Variants in PIP5K1C observed in about 807,000 individuals in gnomAD.
The protein encoded by PIP5K1C is phosphatidylinositol-4-phosphate 5-kinase type 1 gamma.
In PIP5K1C, 45 loss-of-function variants were observed where a neutral mutation model predicts 80.1. The ratio of observed to expected loss-of-function variants is 0.56; its 90% confidence interval spans 0.44 to 0.72. PIP5K1C has a LOEUF of 0.72. Among genes scored for constraint, PIP5K1C ranks in the 30% least tolerant of loss-of-function variants. PIP5K1C has a pLI of 0.00. For missense variants in PIP5K1C, 753 were observed against 954.6 expected (o/e 0.79, Z 2.78); for synonymous variants, 498 against 420.1 (o/e 1.19, Z -2.27).
At chr19:3,636,839 AG>A in intron 16 of PIP5K1C, 1 of 991,294 alleles carries the variant, frequency 1.0e-6, no homozygotes, top group Non-Finnish European at 1.2e-6. Flanking sequence ...GGTGCTGGGC[AG>A]GTCTCTTAGG....
At chr19:3,699,324 T>C (rs1318173687) in intron 1 of PIP5K1C, among the ~76,000 whole-genome samples, 1 of 104,826 alleles carries the variant, frequency 9.5e-6, no homozygotes, top group African/African-American at 3.7e-5. Flanking sequence ...CGAGTGTCTT[T>C]CAAGGCGGGG....
At chr19:3,652,087 C>T (rs546774819) in intron 7 of PIP5K1C, 56 bp from the exon 8 acceptor site, 225 of 1,555,482 alleles carry the variant, frequency 1.4e-4, no homozygotes, top group East Asian at 2.0e-4. Flanking sequence ...TCCCCCACAA[C>T]GGCTCCCGGA....
Position 3,696,190 on chromosome 19 carries a change from C to T in PIP5K1C, c.94+4107G>A, listed in dbSNP as rs1364083828. 3.9e-5 allele frequency among the ~76,000 whole-genome samples: 6 copies of T among 152,212 alleles called. No individual in the cohort carries two copies. Among genetic ancestry groups the T allele is most frequent in the Non-Finnish European group, 8.8e-5 (6 of 68,038 alleles). ...CTTCCTGCCCAATGCCCACAGGTCT[C>T]CCTCGGATGCCACCTTCTTGGCAAG... On this transcript the variant is annotated intron_variant, in intron 1 of 17. Transcript: ENST00000335312. This position sits in a 1 kb window ranked among gnomAD's most constrained non-coding sequence, Gnocchi z 4.1.
chr19:3,655,072 C>T (rs1484178192), intron 6 of PIP5K1C, among the ~76,000 whole-genome samples: 1 of 128,464 alleles, frequency 7.8e-6, no homozygotes, highest in Non-Finnish European at 1.5e-5. Context: ...CACGCCAATG[C>T]ACTCCAGCCT....
chr19:3,653,220 G>T (rs2034511410), intron 7 of PIP5K1C, 70 bp downstream of exon 7: 2 of 1,481,146 alleles, frequency 1.4e-6, no homozygotes, highest in Non-Finnish European at 1.9e-6. Flanking sequence ...GGCCCTGCCT[G>T]CCCAGGCCGA....
In PIP5K1C at chr19:3,637,127, C is replaced by T. The variant is rs2033720040; in HGVS notation, c.1920+1757G>A. 7.3e-7 allele frequency: 1 copy of T among 1,375,294 alleles called. No homozygotes were observed. The highest frequency in any genetic ancestry group is 3.1e-5 in the Admixed American group (1 of 32,098). The allele number at this position is 1,375,294 out of a possible 1,614,324, so 85.2% of individuals were successfully genotyped here. A position where few individuals can be genotyped will look rare whatever the true frequency, so the allele number is the denominator to read the frequency against. On this transcript the variant is annotated intron_variant, in intron 16 of 17. Transcript: ENST00000335312. The surrounding 1 kb of genome is among the most constrained non-coding windows in gnomAD (Gnocchi z 7.0). ...GCCACTCTGCTGACCTGTGCAACCT[C>T]CCCTGTGCAGCCAGCGGGGCCACGG...
intron 15 of PIP5K1C, among the ~76,000 whole-genome samples, chr19:3,639,995 C>T (rs371816212): frequency 8.5e-5 from 13 of 152,296 alleles, no homozygotes; most frequent in African/African-American, 2.9e-4. Flanking sequence ...TGAAATTTCA[C>T]GGTGCAAGGT....
chr19:3,646,562 C>T (rs1261930009), intron 10 of PIP5K1C, among the ~76,000 whole-genome samples: 2 of 152,164 alleles, frequency 1.3e-5, no homozygotes, highest in Non-Finnish European at 2.9e-5. Flanking sequence ...AAGGACAACC[C>T]CAGGGACATG....
intron 5 of PIP5K1C, among the ~76,000 whole-genome samples, chr19:3,659,085 G>A (rs948427283): frequency 6.6e-6 from 1 of 152,142 alleles, no homozygotes; most frequent in Non-Finnish European, 1.5e-5. Flanking sequence ...CCCCTTACCA[G>A]GGGGGACTGT....
intron 2 of PIP5K1C, among the ~76,000 whole-genome samples, chr19:3,666,468 C>T (rs541916457): frequency 6.6e-6 from 1 of 152,356 alleles, no homozygotes; most frequent in East Asian, 1.9e-4. Flanking sequence ...TGTGCACACA[C>T]ACAGACAAAT....
chr19:3,654,543 C>T (rs965144806), intron 6 of PIP5K1C, among the ~76,000 whole-genome samples: 1 of 152,230 alleles, frequency 6.6e-6, no homozygotes, highest in Non-Finnish European at 1.5e-5. Flanking sequence ...GGGCCCAGTG[C>T]GATGGCTCAT....
intron 1 of PIP5K1C, among the ~76,000 whole-genome samples, chr19:3,675,215 A>G (rs945048384): frequency 2.0e-5 from 3 of 152,236 alleles, no homozygotes; most frequent in African/African-American, 2.4e-5. Flanking sequence ...CTCAGTTGCA[A>G]TAAGTAAGCA....
At position 3,678,282 on chromosome 19, in the gene PIP5K1C, GTGGAGGGA is replaced by G. The variant is rs573734344; in HGVS notation, c.95-10937_95-10930del. Among the ~76,000 whole-genome samples, 27 of 94,164 alleles carry G rather than the reference GTGGAGGGA, an allele frequency of 2.9e-4. No individual in the cohort carries two copies. The East Asian group carries it at 4.7e-3, about 16-fold the overall frequency. The allele number at this position is 94,164 out of a possible 152,430, so 61.8% of individuals were successfully genotyped here. A position where few individuals can be genotyped will look rare whatever the true frequency, so the allele number is the denominator to read the frequency against. Reference sequence around the variant, plus strand: ...GGGTGGAGGAATGGAGAATGGAGGGGTGGAGGGATGGAGGGATGGAGGGACGGAGGGAT... The same window carrying G: ...GGGTGGAGGAATGGAGAATGGAGGGGTGGAGGGATGGAGGGACGGAGGGAT... On this transcript the variant is annotated intron_variant, in intron 1 of 17. Coordinates refer to ENST00000335312, the MANE Select transcript of PIP5K1C (RefSeq NM_012398.3).
intron 3 of PIP5K1C, among the ~76,000 whole-genome samples, chr19:3,663,997 T>G (rs1267517017): frequency 1.3e-5 from 2 of 152,018 alleles, no homozygotes. Context: ...AAAGGACAAG[T>G]GCAGCACGGG....
At chr19:3,639,740 T>C (rs2033885758) in intron 15 of PIP5K1C, among the ~76,000 whole-genome samples, 1 of 152,144 alleles carries the variant, frequency 6.6e-6, no homozygotes, top group African/African-American at 2.4e-5. Context: ...TCTTTGTTCT[T>C]TTCACTGAGC....
chr19:3,641,875 GC>G, intron 14 of PIP5K1C, 66 bp from the exon 15 acceptor site: 1 of 1,315,540 alleles, frequency 7.6e-7, no homozygotes, highest in Non-Finnish European at 1.1e-6. Context: ...CCCCAGGAGT[GC>G]CCAGTGAACT....
intron 1 of PIP5K1C, among the ~76,000 whole-genome samples, chr19:3,695,115 C>A (rs2036062409): frequency 6.6e-6 from 1 of 152,274 alleles, no homozygotes; most frequent in Admixed American, 6.5e-5. Context: ...CCATCTGCAG[C>A]CTGACGCCCA....
chr19:3,633,533 C>A lies in PIP5K1C; in HGVS notation c.1921-13G>T. ...TCTCATCGGTGGGCTGGCAGGTGGG[C>A]GCGCGTGCAGGAGGGCGCGGAAGAG... is the stretch of plus-strand genomic sequence containing the variant. On this transcript the variant is annotated splice_polypyrimidine_tract_variant and intron_variant, in intron 16 of 17. Coordinates refer to ENST00000335312, the MANE Select transcript of PIP5K1C (RefSeq NM_012398.3). 4 of 1,476,414 alleles carry A rather than the reference C, an allele frequency of 2.7e-6. No homozygotes were observed. The highest frequency in any genetic ancestry group is 2.7e-6 in the Non-Finnish European group (3 of 1,107,658). 91.5% of individuals were successfully genotyped at this position (1,476,414 alleles called of 1,614,324 possible).
At chr19:3,667,296 G>C (rs114799461) in intron 2 of PIP5K1C, 26 bp downstream of exon 2, 59 of 1,608,312 alleles carry the variant, frequency 3.7e-5, no homozygotes, top group Non-Finnish European at 4.2e-6. Flanking sequence ...GGGACCCCAG[G>C]CCCTTCGTCC....
Sources: gnomAD v4.1 joint callset for allele counts (sites outside exome capture counted in the v4.1 genomes callset) on GRCh38, gnomAD v4.1.1 for gene constraint, Gnocchi (gnomAD v3.1) non-coding constraint, MANE v1.5 for transcripts, NCBI Gene and HGNC (gene_info 2026-07-23, HGNC 2026-07-21) for gene names.